Variants in COL18A1 observed in about 807,000 individuals in gnomAD.
The protein encoded by COL18A1 is collagen alpha-1(XVIII) chain.
Under a neutral mutation model 168.0 loss-of-function variants are expected in COL18A1, and 133 were observed. The observed-to-expected ratio is 0.79, with a 90% CI of 0.69 to 0.91. The LOEUF is 0.91. Among genes scored for constraint, COL18A1 ranks in the 40% least tolerant of loss-of-function variants. The pLI, the probability that COL18A1 is intolerant of heterozygous loss-of-function variation, is 0.00. For missense variants in COL18A1, 2,126 were observed against 1,925.4 expected (o/e 1.10, Z -1.95); for synonymous variants, 949 against 809.0 (o/e 1.17, Z -2.94).
In COL18A1 at chr21:45,471,926, G is replaced by A. The variant is rs1171235862; in HGVS notation, c.652-1969G>A. On this transcript the variant is annotated intron_variant, in intron 3 of 41. Transcript: ENST00000651438. This position sits in a 1 kb window ranked among gnomAD's most constrained non-coding sequence, Gnocchi z 4.4. ...ATGGGCCTGTGGCTTTTGCACTAGC[G>A]CCTCCTGCCCCACCCCCGGAGCCAG... 2.0e-5 allele frequency among the ~76,000 whole-genome samples: 3 copies of A among 152,144 alleles called. No homozygotes were observed. Among genetic ancestry groups the A allele is most frequent in the South Asian group, 2.1e-4 (1 of 4,828 alleles).
intron 12 of COL18A1, 64 bp from the exon 13 acceptor site, chr21:45,480,636 G>C: frequency 6.2e-7 from 1 of 1,611,884 alleles, no homozygotes; most frequent in Non-Finnish European, 8.5e-7. Flanking sequence ...CCCGTTCTGG[G>C]GGTGGTGGTC....
intron 10 of COL18A1, 46 bp from the exon 11 acceptor site, chr21:45,480,024 G>C: frequency 6.2e-7 from 1 of 1,612,488 alleles, no homozygotes; most frequent in South Asian, 1.1e-5. Context: ...CAAGGTGGGG[G>C]CTGTGTGCGT....
At chr21:45,458,416 T>C (rs2034922520) in intron 2 of COL18A1, among the ~76,000 whole-genome samples, 1 of 151,456 alleles carries the variant, frequency 6.6e-6, no homozygotes, top group African/African-American at 2.4e-5. Flanking sequence ...AGGCAGGGGC[T>C]GTGCCCGCGA....
In COL18A1 at chr21:45,508,005, ATGGATGGG is replaced by A. The variant is rs1194403347; in HGVS notation, c.3249+420_3249+427del. ...GGTGAATCAATGGGGAGGTGGATGG[ATGGATGGG>A]TGGATGGAGAGGTGGGTGAGTGGAT... is the stretch of plus-strand genomic sequence containing the variant. On this transcript the variant is annotated intron_variant, in intron 38 of 41. Coordinates refer to ENST00000651438, the MANE Select transcript of COL18A1 (RefSeq NM_001379500.1). Among the ~76,000 whole-genome samples the A allele has an allele frequency of 2.7e-4, 41 of 150,682 alleles. No individual in the cohort carries two copies. The South Asian group carries it at 7.4e-3, about 27-fold the overall frequency.
At position 45,477,802 on chromosome 21, in the gene COL18A1, G is replaced by T; in HGVS notation, c.1058G>T (p.Arg353Leu). 6.5e-7 allele frequency: 1 copy of T among 1,549,452 alleles called. No homozygotes were observed. Among genetic ancestry groups the T allele is most frequent in the Non-Finnish European group, 8.7e-7 (1 of 1,146,404 alleles). The change falls in exon 8 of 42, where the codon CGG (arginine) becomes CTG (leucine). Residue 353 changes from arginine to leucine, a missense_variant. Arg to Leu is a moderately radical substitution (Grantham distance 102, BLOSUM62 -2). Transcript: ENST00000651438. ...CCAGGTGTTCCGGGCCCACCTGGCC[G>T]GGCAGGCCCCCCAGGATCCCCATGC... ...GEPGVPGPPG[R>L]AGPPGSPCLP...
At chr21:45,491,640 G>T (rs889310012) in intron 22 of COL18A1, among the ~76,000 whole-genome samples, 6 of 152,200 alleles carry the variant, frequency 3.9e-5, no homozygotes, top group African/African-American at 1.4e-4. Context: ...TCACCCAGCT[G>T]CCCCGTCAGA....
At chr21:45,506,847 G>C in intron 37 of COL18A1, 1 of 174,734 alleles carries the variant, frequency 5.7e-6, no homozygotes, top group Non-Finnish European at 1.2e-5. Flanking sequence ...CCCCTCCTAG[G>C]CCTGGCCAGC....
In COL18A1 at chr21:45,504,471, G is replaced by A; in HGVS notation, c.2783G>A (p.Gly928Glu). 2 of 1,608,944 alleles carry A rather than the reference G, an allele frequency of 1.2e-6. No individual in the cohort carries two copies. The highest frequency in any genetic ancestry group is 1.8e-4 in the Middle Eastern group (1 of 5,616). The change falls in exon 34 of 42, where the codon GGG (glycine) becomes GAG (glutamate). Residue 928 changes from glycine (G) to glutamate (E), a missense_variant. Transcript: ENST00000651438. ...AGQKGERGEP[G>E]GGGFFGSSLP... is the part of the protein sequence containing the mutation. ...CAGAAAGGCGAAAGGGGGGAGCCCG[G>A]GGGCGGCGGTTTCTTCGGCTCCAGC... is the stretch of plus-strand genomic sequence containing the variant.
intron 2 of COL18A1, chr21:45,421,482 C>G: frequency 1.9e-6 from 1 of 534,546 alleles, no homozygotes; most frequent in Non-Finnish European, 3.8e-6. Flanking sequence ...AGCAGGACAC[C>G]GCGTTTCTGG....
Position 45,476,394 on chromosome 21 carries a change from C to A in COL18A1, c.842C>A (p.Thr281Asn), listed in dbSNP as rs768811791. Residue 281 changes from threonine (T) to asparagine (N), a missense_variant, in exon 6 of 42, where the codon ACC becomes AAC. Coordinates refer to ENST00000651438, the MANE Select transcript of COL18A1 (RefSeq NM_001379500.1). ...AGGCTCCCCGCGCCACCCCCCGTCA[C>A]CACGCCACCCTTGGCTGGAGGCAGC... ...KPRLPAPPPV[T>N]TPPLAGGSST... 1 of 1,614,058 alleles carries A rather than the reference C, an allele frequency of 6.2e-7. No homozygotes were observed. Among genetic ancestry groups the A allele is most frequent in the Non-Finnish European group, 8.5e-7 (1 of 1,180,042 alleles).
chr21:45,441,049 G>C (rs1411262152), intron 2 of COL18A1, among the ~76,000 whole-genome samples: 1 of 152,212 alleles, frequency 6.6e-6, no homozygotes, highest in East Asian at 1.9e-4. Flanking sequence ...CAAACCCCGG[G>C]GACACCCGCC....
At chr21:45,495,718 A>G (rs904239234) in intron 29 of COL18A1, 7 of 425,512 alleles carry the variant, frequency 1.6e-5, no homozygotes, top group Admixed American at 3.5e-5. Flanking sequence ...GCACACATAC[A>G]CGCACACACA....
chr21:45,478,191 C>G (rs777772395), intron 8 of COL18A1, 136 bp from the exon 9 acceptor site: 3 of 1,153,962 alleles, frequency 2.6e-6, no homozygotes, highest in Non-Finnish European at 3.9e-6. Context: ...GCTCCTGGCG[C>G]GGGTGCGAGG....
At chr21:45,427,000 C>T (rs1051966258) in intron 2 of COL18A1, among the ~76,000 whole-genome samples, 1 of 152,168 alleles carries the variant, frequency 6.6e-6, no homozygotes, top group African/African-American at 2.4e-5. Flanking sequence ...GGGCTGCACT[C>T]CAGCAGGGCA....
chr21:45,483,503 A>G (rs998577065), intron 15 of COL18A1, among the ~76,000 whole-genome samples: 1 of 152,148 alleles, frequency 6.6e-6, no homozygotes, highest in African/African-American at 2.4e-5. Flanking sequence ...TTCTGCGGAA[A>G]TTGAGCTGGA....
chr21:45,503,341 A>G (rs1176063575), intron 32 of COL18A1, among the ~76,000 whole-genome samples: 1 of 151,706 alleles, frequency 6.6e-6, no homozygotes. Flanking sequence ...GCATTTTTTC[A>G]TGTGTTTTTT....
chr21:45,459,663 C>T (rs1192020128), intron 2 of COL18A1, among the ~76,000 whole-genome samples: 1 of 152,214 alleles, frequency 6.6e-6, no homozygotes, highest in African/African-American at 2.4e-5. Flanking sequence ...GAGGGTTTTG[C>T]TGTGTTGTGG....
At position 45,456,647 on chromosome 21, in the gene COL18A1, T is replaced by TG. The variant is rs528991245; in HGVS notation, c.107-11588dup. 2,186 of 1,535,528 alleles carry TG rather than the reference T, an allele frequency of 1.4e-3. 1 individual carries two copies. The highest frequency in any genetic ancestry group is 1.6e-3 in the Non-Finnish European group (1,848 of 1,144,788). ...GCAGGTGCGGGCCGGGGCACGGGCG[T>TG]GGGGGGGCCTGCTGCAGACGCACTG... On this transcript the variant is annotated intron_variant, in intron 2 of 41. Transcript: ENST00000651438.
intron 2 of COL18A1, among the ~76,000 whole-genome samples, chr21:45,442,009 T>A (rs2034382143): frequency 6.6e-6 from 1 of 152,188 alleles, no homozygotes; most frequent in Non-Finnish European, 1.5e-5. Context: ...TGTGTGCTTC[T>A]CACAGTCACT....
Sources: gnomAD v4.1 joint callset for allele counts (sites outside exome capture counted in the v4.1 genomes callset) on GRCh38, gnomAD v4.1.1 for gene constraint, Gnocchi (gnomAD v3.1) non-coding constraint, MANE v1.5 for transcripts, NCBI Gene and HGNC (gene_info 2026-07-23, HGNC 2026-07-21) for gene names.